PLPPR1: variants seen among roughly 807,000 people sequenced by gnomAD.
The protein encoded by PLPPR1 is phospholipid phosphatase-related protein type 1.
A neutral mutation model predicts 33.1 loss-of-function variants in PLPPR1; 10 were observed. The ratio of observed to expected loss-of-function variants is 0.30; its 90% CI spans 0.19 to 0.51. The LOEUF is 0.51. PLPPR1 is among the 20% of genes least tolerant of loss of function. The pLI is 0.97. For missense variants in PLPPR1, 304 were observed against 408.1 expected, an observed-to-expected ratio of 0.74 and a Z score of 2.20; for synonymous variants, 151 against 151.0, an observed-to-expected ratio of 1.00 and a Z score of 0.00.
chr9:101,287,591 G>A (rs1205920315), intron 4 of PLPPR1, among the ~76,000 whole-genome samples: 2 of 152,098 alleles, frequency 1.3e-5, no homozygotes, highest in East Asian at 3.9e-4. Context: ...ACCTCCGTCT[G>A]CCAGGTTCAA....
intron 2 of PLPPR1, among the ~76,000 whole-genome samples, chr9:101,231,217 G>T (rs2052977): frequency 0.071 from 10,706 of 151,410 alleles, 458 homozygotes; most frequent in South Asian, 0.22. Context: ...ACCATGCCCA[G>T]TCCTTTCACT....
intron 1 of PLPPR1, among the ~76,000 whole-genome samples, chr9:101,143,153 G>A (rs1403703216): frequency 6.6e-6 from 1 of 152,132 alleles, no homozygotes; most frequent in Admixed American, 6.5e-5. Flanking sequence ...ATGCCAGCAT[G>A]TTCTTTGTAA....
At chr9:101,083,233 A>G (rs1335302800) in intron 1 of PLPPR1, among the ~76,000 whole-genome samples, 1 of 151,758 alleles carries the variant, frequency 6.6e-6, no homozygotes. Flanking sequence ...ATCTTGGCTC[A>G]AGGCAACCTC....
intron 2 of PLPPR1, among the ~76,000 whole-genome samples, chr9:101,243,683 T>C (rs1185752630): frequency 6.6e-6 from 1 of 151,810 alleles, no homozygotes; most frequent in African/African-American, 2.4e-5. Flanking sequence ...TAGGAGGAGA[T>C]GTTAAGTGTG....
At position 101,300,636 on chromosome 9, in the gene PLPPR1, A is replaced by G. The variant is rs1470289393; in HGVS notation, c.386-8575A>G. Among the ~76,000 whole-genome samples, 7 of 152,342 alleles carry G rather than the reference A, an allele frequency of 4.6e-5. No individual in the cohort carries two copies. In the East Asian group the frequency reaches 1.2e-3, roughly 25 times the overall value. On this transcript the variant is annotated intron_variant, in intron 4 of 7. Coordinates refer to ENST00000374874, the MANE Select transcript of PLPPR1 (RefSeq NM_207299.2). ...GGAGTAGATTCAGATCATCAGCTTC[A>G]GCTTTAGAAACTTACAAACATGGAA...
chr9:101,128,222 T>C (rs533018931), intron 1 of PLPPR1, among the ~76,000 whole-genome samples: 27 of 152,292 alleles, frequency 1.8e-4, no homozygotes, highest in African/African-American at 2.6e-4. Context: ...GTGGCTTACA[T>C]TGGAACACAA....
chr9:101,247,653 G>A (rs1029242325), intron 2 of PLPPR1, among the ~76,000 whole-genome samples: 1 of 151,962 alleles, frequency 6.6e-6, no homozygotes, highest in African/African-American at 2.4e-5. Flanking sequence ...TACTAAACAA[G>A]CACACGTAGA....
At chr9:101,145,154 A>G (rs1831504837) in intron 1 of PLPPR1, among the ~76,000 whole-genome samples, 1 of 152,172 alleles carries the variant, frequency 6.6e-6, no homozygotes, top group Non-Finnish European at 1.5e-5. Flanking sequence ...TAGTCAAAGG[A>G]TACCAAATTT....
intron 1 of PLPPR1, among the ~76,000 whole-genome samples, chr9:101,038,201 A>G (rs879165986): frequency 6.6e-6 from 1 of 152,130 alleles, no homozygotes. Context: ...TTCAAATAGA[A>G]GCAATTTCTT....
chr9:101,050,303 A>G (rs1272885675), intron 1 of PLPPR1, among the ~76,000 whole-genome samples: 1 of 152,168 alleles, frequency 6.6e-6, no homozygotes, highest in Non-Finnish European at 1.5e-5. Context: ...AAAAAACAAA[A>G]AGATGTACAT....
intron 1 of PLPPR1, among the ~76,000 whole-genome samples, chr9:101,123,105 A>G (rs1318843143): frequency 1.3e-5 from 2 of 152,216 alleles, no homozygotes; most frequent in Non-Finnish European, 2.9e-5. Context: ...TATAAGCCAT[A>G]TCAATATATC....
At chr9:101,033,289 G>A (rs1228943709) in intron 1 of PLPPR1, among the ~76,000 whole-genome samples, 1 of 152,194 alleles carries the variant, frequency 6.6e-6, no homozygotes. Flanking sequence ...CTTCGGGTTT[G>A]ACCATTGGTA....
intron 1 of PLPPR1, among the ~76,000 whole-genome samples, chr9:101,124,446 G>A (rs1420533343): frequency 6.6e-6 from 1 of 152,158 alleles, no homozygotes; most frequent in African/African-American, 2.4e-5. Flanking sequence ...TCAGCTTCCT[G>A]TGCGGTTTTC....
rs184494604 is a variant in PLPPR1, at chr9:101,271,619, C to T, written c.252+1551C>T. Reference sequence around the variant, plus strand: ...CTCACAATGTGACACACTCCACACCCCACGTAAAACTAGGAGGCCAGACTC... The same window carrying T: ...CTCACAATGTGACACACTCCACACCTCACGTAAAACTAGGAGGCCAGACTC... On this transcript the variant is annotated intron_variant, in intron 3 of 7. Transcript: ENST00000374874. Among the ~76,000 whole-genome samples the T allele has an allele frequency of 2.4e-4, 36 of 152,292 alleles. No homozygotes were observed. The East Asian group carries it at 5.0e-3, about 21-fold the overall frequency.
chr9:101,309,905 T>C (rs2118955196), intron 5 of PLPPR1, among the ~76,000 whole-genome samples: 1 of 152,266 alleles, frequency 6.6e-6, no homozygotes, highest in South Asian at 2.1e-4. Flanking sequence ...CTTATATGAA[T>C]GACTGCTCCA....
chr9:101,131,056 G>T (rs1250876261), intron 1 of PLPPR1, among the ~76,000 whole-genome samples: 2 of 152,132 alleles, frequency 1.3e-5, no homozygotes, highest in African/African-American at 4.8e-5. Flanking sequence ...TAATTTTAAC[G>T]ATAAATATGT....
intron 1 of PLPPR1, among the ~76,000 whole-genome samples, chr9:101,181,260 G>A (rs1826105878): frequency 6.7e-6 from 1 of 148,878 alleles, no homozygotes; most frequent in Admixed American, 6.8e-5. Context: ...ACCACAATGA[G>A]GTATTACTTC....
At chr9:101,230,015 C>A (rs1177663730) in intron 2 of PLPPR1, among the ~76,000 whole-genome samples, 1 of 152,128 alleles carries the variant, frequency 6.6e-6, no homozygotes, top group Non-Finnish European at 1.5e-5. Context: ...AAAATCAGTT[C>A]TCCATGTCAC....
intron 2 of PLPPR1, among the ~76,000 whole-genome samples, chr9:101,238,376 T>G (rs2118840795): frequency 6.9e-6 from 1 of 144,094 alleles, no homozygotes; most frequent in Non-Finnish European, 1.5e-5. Context: ...GGTATATATA[T>G]AGGGTATATA....
Sources: gnomAD v4.1 joint callset for allele counts (sites outside exome capture counted in the v4.1 genomes callset) on GRCh38, gnomAD v4.1.1 for gene constraint, MANE v1.5 for transcripts, NCBI Gene and HGNC (gene_info 2026-07-23, HGNC 2026-07-21) for gene names.